The following GALNT17 variants were observed in gnomAD, a reference collection of about 807,000 sequenced individuals.
The protein encoded by GALNT17 is polypeptide N-acetylgalactosaminyltransferase 17, also known as UDP-GalNAc:polypeptide N-acetylgalactosaminyltransferase-like 3.
A neutral mutation model predicts 63.7 loss-of-function variants in GALNT17; 29 were observed. That is an observed-to-expected ratio of 0.46 (90% CI 0.34 to 0.62). The LOEUF (loss-of-function observed/expected upper bound fraction) is 0.62, where lower values mean the gene tolerates loss of function less well. Ranked by LOEUF, GALNT17 falls within the 20% of genes least tolerant of loss-of-function variation. The probability of loss-of-function intolerance (pLI) is 0.01; values close to 1 mark genes in which losing one functional copy is unlikely to be tolerated. For missense variants in GALNT17, 603 were observed against 799.6 expected, an observed-to-expected ratio of 0.75 and a Z score of 2.97; for synonymous variants, 305 against 318.3, an observed-to-expected ratio of 0.96 and a Z score of 0.45.
intron 1 of GALNT17, among the ~76,000 whole-genome samples, chr7:71,248,198 G>A (rs1292731540): frequency 6.6e-6 from 1 of 152,146 alleles, no homozygotes; most frequent in Non-Finnish European, 1.5e-5. Context: ...GAGAGAGAGA[G>A]AGCACAGGAA....
chr7:71,709,447 T>A (rs957379642), intron 9 of GALNT17, among the ~76,000 whole-genome samples: 1 of 152,212 alleles, frequency 6.6e-6, no homozygotes, highest in African/African-American at 2.4e-5. Context: ...ACGAAGTATA[T>A]ATTTAGAAAT....
At chr7:71,369,429 GT>G (rs1792575409) in intron 2 of GALNT17, among the ~76,000 whole-genome samples, 1 of 152,186 alleles carries the variant, frequency 6.6e-6, no homozygotes, top group Non-Finnish European at 1.5e-5. Flanking sequence ...GAGGAGTAAA[GT>G]TAATATGGCA....
At chr7:71,535,682 T>C (rs936004935) in intron 5 of GALNT17, among the ~76,000 whole-genome samples, 2 of 152,182 alleles carry the variant, frequency 1.3e-5, no homozygotes, top group Non-Finnish European at 2.9e-5. Context: ...TCTACTTTCT[T>C]TGTCTCTGGA....
At chr7:71,706,356 A>C (rs141798606) in intron 9 of GALNT17, among the ~76,000 whole-genome samples, 376 of 152,240 alleles carry the variant, frequency 2.5e-3, no homozygotes, top group African/African-American at 8.5e-3. Flanking sequence ...TCCCTAACAG[A>C]CCTCAGAAAG....
chr7:71,656,511 G>A (rs368665802), intron 6 of GALNT17, among the ~76,000 whole-genome samples: 5 of 152,100 alleles, frequency 3.3e-5, no homozygotes, highest in East Asian at 1.9e-4. Flanking sequence ...CAGAGTGGTC[G>A]GTGGGAGCCA....
chr7:71,369,705 C>G (rs902915537), intron 2 of GALNT17, among the ~76,000 whole-genome samples: 1 of 149,722 alleles, frequency 6.7e-6, no homozygotes, highest in Non-Finnish European at 1.5e-5. Flanking sequence ...CCCAGCTACT[C>G]GGGAGGCTGC....
At chr7:71,536,563 A>C (rs985662436) in intron 5 of GALNT17, among the ~76,000 whole-genome samples, 6 of 152,196 alleles carry the variant, frequency 3.9e-5, no homozygotes, top group Non-Finnish European at 7.3e-5. Context: ...AGGAAGATGC[A>C]AAAGCAGAAA....
chr7:71,485,192 A>C (rs1787890693), intron 5 of GALNT17, among the ~76,000 whole-genome samples: 1 of 151,070 alleles, frequency 6.6e-6, no homozygotes, highest in Non-Finnish European at 1.5e-5. Context: ...TGCAGCTTCA[A>C]CCTCCTGGGC....
chr7:71,530,110 T>A (rs1024572569), intron 5 of GALNT17, among the ~76,000 whole-genome samples: 5 of 152,184 alleles, frequency 3.3e-5, no homozygotes, highest in Non-Finnish European at 7.3e-5. Context: ...CTACTCATCC[T>A]TTTTTCCACT....
intron 1 of GALNT17, among the ~76,000 whole-genome samples, chr7:71,279,802 GGGAGAAAATTCCACCA>G (rs1790747958): frequency 2.7e-5 from 4 of 150,228 alleles, no homozygotes; most frequent in African/African-American, 9.8e-5. Context: ...TCTGTGAGCT[GGGAGAAAATTCCACCA>G]GGAGGGTGAT....
At chr7:71,201,513 A>G (rs1293816037) in intron 1 of GALNT17, among the ~76,000 whole-genome samples, 1 of 148,202 alleles carries the variant, frequency 6.7e-6, no homozygotes, top group Non-Finnish European at 1.5e-5. Context: ...TATTTAGCTT[A>G]TTTTTTGGCC....
chr7:71,329,362 A>G (rs1791761564), intron 1 of GALNT17, among the ~76,000 whole-genome samples: 1 of 152,178 alleles, frequency 6.6e-6, no homozygotes, highest in South Asian at 2.1e-4. Context: ...CTTTTTCATC[A>G]TGCAGTATTG....
intron 6 of GALNT17, among the ~76,000 whole-genome samples, chr7:71,583,958 A>C (rs1789677271): frequency 7.3e-6 from 1 of 136,516 alleles, no homozygotes; most frequent in Non-Finnish European, 1.6e-5. Flanking sequence ...CCCCGTCTCT[A>C]CTGAAAAAAA....
intron 5 of GALNT17, among the ~76,000 whole-genome samples, chr7:71,429,271 G>A (rs1019383945): frequency 1.3e-5 from 2 of 152,130 alleles, no homozygotes; most frequent in African/African-American, 4.8e-5. Context: ...CCCTGAAGAA[G>A]GAGGCGTGGG....
intron 1 of GALNT17, among the ~76,000 whole-genome samples, chr7:71,269,343 T>A: frequency 6.6e-6 from 1 of 152,192 alleles, no homozygotes; most frequent in East Asian, 1.9e-4. Context: ...GGTGCACACC[T>A]GTAGTCCCAG....
chr7:71,194,719 C>T (rs766261809), intron 1 of GALNT17, among the ~76,000 whole-genome samples: 2 of 152,166 alleles, frequency 1.3e-5, no homozygotes, highest in Non-Finnish European at 2.9e-5. Context: ...TTCTTTCTCC[C>T]TTCCAGCTCC....
At chr7:71,425,674 GCCTTTAC>G (rs140690755) in intron 5 of GALNT17, among the ~76,000 whole-genome samples, 1,623 of 152,240 alleles carry the variant, frequency 0.011, 31 homozygotes, top group African/African-American at 0.037. Context: ...ACTTGATCTT[GCCTTTAC>G]ACTCAACTCC....
In GALNT17 at chr7:71,479,738, C is replaced by T. The variant is rs116975945; in HGVS notation, c.962+58633C>T. ...CAGACATAAGAAAATTGCATTTGAA[C>T]AGGCCGGGTCTTGAAAACCAGCTGA... is the stretch of plus-strand genomic sequence containing the variant. On this transcript the variant is annotated intron_variant, in intron 5 of 10. Transcript: ENST00000333538. Among the ~76,000 whole-genome samples the T allele has an allele frequency of 9.6e-3, 1,461 of 152,238 alleles. 14 individuals carry two copies. Among genetic ancestry groups the T allele is most frequent in the Non-Finnish European group, 0.012 (818 of 68,028 alleles).
intron 1 of GALNT17, among the ~76,000 whole-genome samples, chr7:71,276,944 G>GCC (rs886915975): frequency 4.1e-4 from 62 of 152,282 alleles, no homozygotes; most frequent in African/African-American, 1.4e-3. Flanking sequence ...ATTGCAGTGA[G>GCC]CCGAGATTGT....
Sources: gnomAD v4.1 joint callset for allele counts (sites outside exome capture counted in the v4.1 genomes callset) on GRCh38, gnomAD v4.1.1 for gene constraint, MANE v1.5 for transcripts, NCBI Gene and HGNC (gene_info 2026-07-23, HGNC 2026-07-21) for gene names.